The following GPC5 variants were observed in gnomAD, a reference collection of about 807,000 sequenced individuals.
The protein encoded by GPC5 is glypican 5.
GPC5 carries 47 observed loss-of-function variants against 53.9 expected under a neutral mutation model. The observed-to-expected ratio is 0.87, with a 90% CI of 0.69 to 1.11. The LOEUF is 1.11. GPC5 is among the 50% of genes most tolerant of loss of function. The probability of loss-of-function intolerance (pLI) is 0.00; values close to 1 mark genes in which losing one functional copy is unlikely to be tolerated. For synonymous variants in GPC5, 286 were observed against 263.3 expected (o/e 1.09, Z -0.84); for missense variants, 748 against 713.1 (o/e 1.05, Z -0.56).
At chr13:92,697,155 T>G (rs1887580990) in intron 7 of GPC5, among the ~76,000 whole-genome samples, 1 of 151,870 alleles carries the variant, frequency 6.6e-6, no homozygotes, top group South Asian at 2.1e-4. Flanking sequence ...TTGTTCTTTT[T>G]GCTTAGGGTT....
chr13:92,402,350 T>C (rs1243177087), intron 7 of GPC5, among the ~76,000 whole-genome samples: 1 of 152,180 alleles, frequency 6.6e-6, no homozygotes, highest in Non-Finnish European at 1.5e-5. Flanking sequence ...ACATAGAACC[T>C]TTTTTTCTCT....
chr13:91,550,722 T>A (rs1566496868), intron 2 of GPC5, among the ~76,000 whole-genome samples: 1 of 152,094 alleles, frequency 6.6e-6, no homozygotes, highest in Admixed American at 6.6e-5. Context: ...CTCACCCAAA[T>A]CTCACCTTGA....
At chr13:92,035,214 C>CAA (rs11410459) in intron 6 of GPC5, among the ~76,000 whole-genome samples, 1,465 of 119,076 alleles carry the variant, frequency 0.012, 39 homozygotes, top group Middle Eastern at 0.038. Flanking sequence ...GACTCCGTCT[C>CAA]AAAAAAAAAA....
intron 6 of GPC5, among the ~76,000 whole-genome samples, chr13:92,127,903 C>T (rs182641482): frequency 9.1e-4 from 139 of 152,230 alleles, no homozygotes; most frequent in African/African-American, 3.3e-3. Context: ...ACAATGTACA[C>T]CAGGCCAGGA....
chr13:91,514,568 C>T (rs944837493), intron 2 of GPC5, among the ~76,000 whole-genome samples: 49 of 151,816 alleles, frequency 3.2e-4, no homozygotes, highest in African/African-American at 1.1e-3. Context: ...TTTCTAAAAA[C>T]GTTATTTCTA....
intron 6 of GPC5, among the ~76,000 whole-genome samples, chr13:92,051,742 G>A (rs1181535956): frequency 4.6e-5 from 7 of 152,202 alleles, no homozygotes; most frequent in African/African-American, 9.6e-5. Context: ...GTGAAGGTAA[G>A]ACAAAAGCCA....
chr13:92,793,734 C>T (rs772529087), intron 7 of GPC5, among the ~76,000 whole-genome samples: 5 of 152,048 alleles, frequency 3.3e-5, no homozygotes, highest in Non-Finnish European at 7.4e-5. Context: ...TACAAACTAC[C>T]ATCAGAGAAT....
chr13:92,609,222 A>C (rs1566317820), intron 7 of GPC5, among the ~76,000 whole-genome samples: 1 of 152,178 alleles, frequency 6.6e-6, no homozygotes, highest in Non-Finnish European at 1.5e-5. Context: ...AACAATAAAA[A>C]TGCTTAGCAT....
At chr13:91,435,218 C>T (rs1222460728) in intron 1 of GPC5, among the ~76,000 whole-genome samples, 2 of 152,178 alleles carry the variant, frequency 1.3e-5, no homozygotes, top group East Asian at 3.8e-4. Context: ...GAACTTCCAA[C>T]ACTATGTTGA....
intron 2 of GPC5, among the ~76,000 whole-genome samples, chr13:91,473,691 C>CA (rs1319206319): frequency 6.6e-6 from 1 of 152,138 alleles, no homozygotes; most frequent in Non-Finnish European, 1.5e-5. Flanking sequence ...GAAGCTTAAA[C>CA]AGGCAGTTCA....
intron 6 of GPC5, among the ~76,000 whole-genome samples, chr13:92,117,825 A>T (rs148406066): frequency 3.7e-4 from 57 of 152,332 alleles, no homozygotes; most frequent in African/African-American, 1.3e-3. Flanking sequence ...TACTAAACTC[A>T]CATATTGAGC....
chr13:91,496,742 C>A (rs893038530), intron 2 of GPC5, among the ~76,000 whole-genome samples: 22 of 151,868 alleles, frequency 1.4e-4, no homozygotes, highest in African/African-American at 5.3e-4. Flanking sequence ...GTGACTATGG[C>A]AACAATAATT....
At chr13:92,231,147 T>C (rs538970890) in intron 7 of GPC5, among the ~76,000 whole-genome samples, 1 of 152,302 alleles carries the variant, frequency 6.6e-6, no homozygotes, top group African/African-American at 2.4e-5. Flanking sequence ...AGGTAAGTCA[T>C]GTAAAGGATT....
intron 6 of GPC5, among the ~76,000 whole-genome samples, chr13:92,041,301 G>A (rs976844315): frequency 2.6e-5 from 4 of 152,172 alleles, no homozygotes; most frequent in African/African-American, 9.7e-5. Context: ...AACCAGAAGA[G>A]TCTTTGAGGA....
intron 7 of GPC5, among the ~76,000 whole-genome samples, chr13:92,704,676 T>C (rs1187878688): frequency 6.6e-6 from 1 of 151,918 alleles, no homozygotes; most frequent in African/African-American, 2.4e-5. Flanking sequence ...AATCCACTTA[T>C]GGAAGAATTT....
intron 6 of GPC5, among the ~76,000 whole-genome samples, chr13:91,941,999 A>G (rs1311693675): frequency 6.6e-6 from 1 of 152,160 alleles, no homozygotes; most frequent in Non-Finnish European, 1.5e-5. Context: ...GAATTAATGT[A>G]TCCATCACCT....
chr13:91,580,389 T>A (rs1178571909), intron 2 of GPC5, among the ~76,000 whole-genome samples: 1 of 152,214 alleles, frequency 6.6e-6, no homozygotes, highest in African/African-American at 2.4e-5. Context: ...CAAAATAGAT[T>A]AAATATTATT....
intron 7 of GPC5, among the ~76,000 whole-genome samples, chr13:92,700,177 G>A (rs1887683308): frequency 6.6e-6 from 1 of 151,112 alleles, no homozygotes; most frequent in Admixed American, 6.6e-5. Flanking sequence ...TTACCATTAT[G>A]TAATGCCCTT....
chr13:91,940,669 T>G (rs1441135532), intron 6 of GPC5, among the ~76,000 whole-genome samples: 1 of 152,140 alleles, frequency 6.6e-6, no homozygotes, highest in Non-Finnish European at 1.5e-5. Context: ...GTTATTTGAC[T>G]TTTTGATAAT....
Sources: allele counts gnomAD v4.1 joint callset (sites outside exome capture counted in the v4.1 genomes callset), GRCh38; gene constraint gnomAD v4.1.1; transcripts MANE v1.5; gene names NCBI Gene and HGNC (gene_info 2026-07-23, HGNC 2026-07-21).